IFT172: variants seen among roughly 807,000 people sequenced by gnomAD.
IFT172 encodes intraflagellar transport 172.
IFT172 carries 164 observed loss-of-function variants against 248.9 expected under a neutral mutation model. The ratio of observed to expected loss-of-function variants is 0.66; its 90% CI spans 0.58 to 0.75. IFT172 has a LOEUF of 0.75. IFT172 is among the 30% of genes least tolerant of loss of function. The pLI, the probability that IFT172 is intolerant of heterozygous loss-of-function variation, is 0.00. For synonymous variants in IFT172, 729 were observed against 791.6 expected, an observed-to-expected ratio of 0.92 and a Z score of 1.33; for missense variants, 1,950 against 2,192.4, an observed-to-expected ratio of 0.89 and a Z score of 2.21.
intron 1 of IFT172, among the ~76,000 whole-genome samples, chr2:27,486,796 AG>A (rs2148562228): frequency 6.6e-6 from 1 of 152,340 alleles, no homozygotes; most frequent in Admixed American, 6.5e-5. Flanking sequence ...AGACTGAAGG[AG>A]GATTTCATTT....
rs755179952 is a variant in IFT172 at position 27,453,711 on chromosome 2, C to T, written c.3740G>A (p.Arg1247His). 8 of 1,612,344 alleles carry T rather than the reference C, an allele frequency of 5.0e-6. No individual in the cohort carries two copies. Among genetic ancestry groups the T allele is most frequent in the Admixed American group, 3.4e-5 (2 of 59,444 alleles). The stretch of plus-strand genomic sequence containing the variant: ...GCTGGGCACATAGTCCTTGCAGATG[C>T]GCAGAGCGTCACTCCATAATCCAGC... ...KEAGLWSDAL[R>H]ICKDYVPSQL... is the part of the protein sequence containing the mutation. The change falls in exon 34 of 48, where the codon CGC (arginine) becomes CAC (histidine). Residue 1247 changes from arginine (R) to histidine (H), a missense_variant. This residue lies in a region of IFT172 where 620 missense variants were observed against 699.0 expected (regional missense o/e 0.89). Transcript: ENST00000260570.
chr2:27,478,867 C>T (rs1668150692), intron 10 of IFT172, among the ~76,000 whole-genome samples: 1 of 152,176 alleles, frequency 6.6e-6, no homozygotes, highest in Admixed American at 6.5e-5. Flanking sequence ...ACACAGTGAG[C>T]TCAGAGGCCT....
At chr2:27,482,751 C>T (rs1475772069) in intron 7 of IFT172, among the ~76,000 whole-genome samples, 3 of 151,988 alleles carry the variant, frequency 2.0e-5, no homozygotes, top group East Asian at 1.9e-4. Flanking sequence ...GAATAATTTT[C>T]ACTTTTCATT....
chr2:27,465,602 G>T (rs1372109615), intron 17 of IFT172, 84 bp from the exon 18 acceptor site: 6 of 1,534,860 alleles, frequency 3.9e-6, no homozygotes, highest in Non-Finnish European at 5.4e-6. Context: ...GGCAAGGGGA[G>T]GGGGAAGGGC....
At chr2:27,481,307 C>T (rs1286915882) in intron 7 of IFT172, 47 bp from the exon 8 acceptor site, 10 of 1,432,826 alleles carry the variant, frequency 7.0e-6, no homozygotes, top group Admixed American at 5.7e-5. Flanking sequence ...AGACTCCACC[C>T]GAGAAATTCC....
intron 43 of IFT172, 128 bp downstream of exon 43, chr2:27,446,132 T>C (rs1558350683): frequency 6.8e-6 from 9 of 1,314,698 alleles, no homozygotes; most frequent in African/African-American, 2.9e-5. Context: ...CAGGAAGACA[T>C]AGGAGGACTA....
chr2:27,465,778 A>C lies in IFT172; in HGVS notation c.1797T>G (p.Phe599Leu), dbSNP rs753790065. The C allele has an allele frequency of 6.2e-7, 1 of 1,613,956 alleles. No individual in the cohort carries two copies. Among genetic ancestry groups the C allele is most frequent in the East Asian group, 2.2e-5 (1 of 44,892 alleles). ...AGTTGCCATCATCAATGGCTGTTCC[A>C]AACTCGATGAGGCCCTCATCCAATG... ...AYTLDEGLIE[F>L]GTAIDDGNYI... Residue 599 changes from phenylalanine (F) to leucine (L), a missense_variant, in exon 17 of 48, where the codon TTT (phenylalanine) becomes TTG (leucine). Physicochemically the swap from Phe to Leu is conservative, Grantham distance 22. Around this residue, in one of 3 missense-constraint regions of IFT172, gnomAD observed 1,166 missense variants for 1,254.1 expected, o/e 0.93. Coordinates refer to ENST00000260570, the MANE Select transcript of IFT172 (RefSeq NM_015662.3).
intron 7 of IFT172, among the ~76,000 whole-genome samples, chr2:27,481,743 G>A (rs1668390158): frequency 6.6e-6 from 1 of 151,828 alleles, no homozygotes; most frequent in Non-Finnish European, 1.5e-5. Flanking sequence ...GTTTCACCAT[G>A]TTGGTCAGGC....
chr2:27,444,951 G>GTTTTTTTT, intron 47 of IFT172, 63 bp downstream of exon 47: 1 of 1,513,338 alleles, frequency 6.6e-7, no homozygotes, highest in Non-Finnish European at 9.0e-7. Context: ...ACCCAGACTT[G>GTTTTTTTT]TTTTTTTTTC....
At chr2:27,470,741 T>C in intron 16 of IFT172, 187 bp downstream of exon 16, 1 of 531,048 alleles carries the variant, frequency 1.9e-6, no homozygotes, top group Non-Finnish European at 3.1e-6. Flanking sequence ...AAGGGTCTAA[T>C]ATAATGTCAG....
intron 8 of IFT172, 106 bp downstream of exon 8, chr2:27,480,940 A>C: frequency 2.4e-6 from 2 of 824,664 alleles, no homozygotes; most frequent in Non-Finnish European, 4.0e-6. Context: ...ACATACATAC[A>C]TTTGATTCTG....
intron 27 of IFT172, 22 bp from the exon 28 acceptor site, chr2:27,457,998 G>C (rs746607751): frequency 6.2e-7 from 1 of 1,614,022 alleles, no homozygotes; most frequent in Admixed American, 1.7e-5. Context: ...GATACATCTG[G>C]GGCCTCCTAG....
At chr2:27,448,876 T>A in intron 40 of IFT172, 39 bp downstream of exon 40, 1 of 967,342 alleles carries the variant, frequency 1.0e-6, no homozygotes, top group Non-Finnish European at 1.7e-6. Context: ...AGAAAGAGCT[T>A]TCTTGTGGAA....
At chr2:27,467,649 G>GA (rs1424084666) in intron 16 of IFT172, among the ~76,000 whole-genome samples, 1 of 141,406 alleles carries the variant, frequency 7.1e-6, no homozygotes, top group African/African-American at 2.6e-5. Context: ...AAATTATCCA[G>GA]AATGAAGCAT....
At chr2:27,487,816 C>G (rs1023671437) in intron 1 of IFT172, among the ~76,000 whole-genome samples, 13 of 152,050 alleles carry the variant, frequency 8.5e-5, no homozygotes, top group Admixed American at 7.9e-4. Context: ...AACCCCTGAC[C>G]TCGGGTGATC....
At chr2:27,476,245 A>G (rs924976878) in intron 14 of IFT172, among the ~76,000 whole-genome samples, 1 of 152,140 alleles carries the variant, frequency 6.6e-6, no homozygotes, top group African/African-American at 2.4e-5. Flanking sequence ...GAGAACGTGA[A>G]TAATTATATG....
chr2:27,465,805 G>A lies in IFT172; in HGVS notation c.1770C>T (p.Tyr590=), dbSNP rs776489523. The change falls in exon 17 of 48, where the codon TAC becomes TAT. Residue 590 remains tyrosine, a synonymous_variant. Transcript: ENST00000260570. ...ACTCGATGAGGCCCTCATCCAATGT[G>A]TAGGCAACAGTAGTCACACCTTCCA... ...MVMEGVTTVA[Y]TLDEGLIEFG... is the part of the protein sequence containing the mutation. 2.5e-6 allele frequency: 4 copies of A among 1,614,022 alleles called. No homozygotes were observed. Among genetic ancestry groups the A allele is most frequent in the Admixed American group, 3.3e-5 (2 of 60,014 alleles).
chr2:27,477,207 GTGA>G lies in IFT172; in HGVS notation c.1325+7_1325+9del. 3.1e-6 allele frequency: 5 copies of G among 1,604,426 alleles called. No individual in the cohort carries two copies. Among genetic ancestry groups the G allele is most frequent in the Non-Finnish European group, 4.3e-6 (5 of 1,171,092 alleles). The stretch of plus-strand genomic sequence containing the variant: ...GGGTTTCAGGGATTCAGAGAATCTT[GTGA>G]GGTTACCTGATGAGGTGGGGGTTCA... On this transcript the variant is annotated splice_region_variant and intron_variant, in intron 13 of 47. Transcript: ENST00000260570.
chr2:27,477,916 C>G (rs1287913656), intron 11 of IFT172, 79 bp downstream of exon 11: 8 of 1,555,194 alleles, frequency 5.1e-6, no homozygotes. Context: ...GGAGAGCTTA[C>G]CCCTAGGGAT....
Sources: allele counts gnomAD v4.1 joint callset (sites outside exome capture counted in the v4.1 genomes callset), GRCh38; gene constraint gnomAD v4.1.1; regional missense constraint gnomAD v4.1.1; transcripts MANE v1.5; gene names NCBI Gene and HGNC (gene_info 2026-07-23, HGNC 2026-07-21).